The following UTS2B variants were observed in gnomAD, a reference collection of about 807,000 sequenced individuals.
UTS2B encodes urotensin-2B.
In UTS2B, 21 loss-of-function variants were observed where a neutral mutation model predicts 19.2. The observed-to-expected ratio is 1.09, with a 90% CI of 0.78 to 1.58. UTS2B has a LOEUF of 1.58. Ranked by LOEUF, UTS2B falls within the 40% of genes most tolerant of loss-of-function variation. UTS2B has a pLI of 0.00. For missense variants in UTS2B, 138 were observed against 130.3 expected (o/e 1.06, Z -0.29); for synonymous variants, 57 against 50.2 (o/e 1.14, Z -0.58).
At chr3:191,342,759 G>T in the UTS2B span, among the ~76,000 whole-genome samples, 1 of 152,188 alleles carries the variant, frequency 6.6e-6, no homozygotes. Context: ...TTTCTTTAGG[G>T]ATACATGGAA....
At chr3:191,294,384 G>T (rs542155334) in intron 4 of UTS2B, among the ~76,000 whole-genome samples, 3 of 151,924 alleles carry the variant, frequency 2.0e-5, no homozygotes, top group African/African-American at 7.3e-5. Context: ...CAGTGCCTTT[G>T]TAAGAAAAAA....
At chr3:191,342,797 G>A in the UTS2B span, among the ~76,000 whole-genome samples, 1 of 152,162 alleles carries the variant, frequency 6.6e-6, no homozygotes, top group African/African-American at 2.4e-5. Context: ...CTTACTATCT[G>A]GATATGCTTT....
chr3:191,283,075 C>G (rs1417628392), intron 4 of UTS2B, among the ~76,000 whole-genome samples: 1 of 152,174 alleles, frequency 6.6e-6, no homozygotes, highest in Non-Finnish European at 1.5e-5. Context: ...CTAAAATTGA[C>G]TCTGTTCCAG....
At chr3:191,271,465 T>C (rs1716093081) in intron 8 of UTS2B, among the ~76,000 whole-genome samples, 1 of 152,178 alleles carries the variant, frequency 6.6e-6, no homozygotes, top group Non-Finnish European at 1.5e-5. Context: ...AGTGATCAGC[T>C]TTCTGTGCAG....
chr3:191,322,610 G>A (rs188547600), intron 2 of UTS2B, among the ~76,000 whole-genome samples: 154 of 152,282 alleles, frequency 1.0e-3, no homozygotes, highest in Non-Finnish European at 1.6e-3. Context: ...AATAGGAGCA[G>A]AAAACTATAA....
At position 191,277,819 on chromosome 3, in the gene UTS2B, C is replaced by A. The variant is rs866010555; in HGVS notation, c.202+253G>T. ...AGAAGAAAATATGAATAAAGGTAAC[C>A]TTTTTTTTTAACTATATGTTTACCA... On this transcript the variant is annotated intron_variant, in intron 6 of 8. Coordinates refer to ENST00000340524, the MANE Select transcript of UTS2B (RefSeq NM_198152.5). Among the ~76,000 whole-genome samples the A allele has an allele frequency of 6.6e-5, 10 of 151,102 alleles. No individual in the cohort carries two copies. In the South Asian group the frequency reaches 1.5e-3, roughly 22 times the overall value.
intron 5 of UTS2B, among the ~76,000 whole-genome samples, chr3:191,279,032 T>G (rs902514625): frequency 6.6e-6 from 1 of 152,066 alleles, no homozygotes; most frequent in African/African-American, 2.4e-5. Context: ...GTACTGTGGT[T>G]TCAGCTAGAG....
chr3:191,333,932 A>G (rs1013030442), upstream of UTS2B, among the ~76,000 whole-genome samples: 1 of 152,162 alleles, frequency 6.6e-6, no homozygotes, highest in Non-Finnish European at 1.5e-5. Flanking sequence ...TATGTATTAC[A>G]TAGAAAAATT....
At chr3:191,329,586 C>T (rs1279515620) in intron 1 of UTS2B, 7 of 1,400,748 alleles carry the variant, frequency 5.0e-6, no homozygotes, top group East Asian at 2.7e-5. Flanking sequence ...GCGCCGCGTC[C>T]GGCGCTGCTG....
At chr3:191,328,561 G>C (rs1362936609) in intron 2 of UTS2B, 70 bp downstream of exon 2, 1 of 152,394 alleles carries the variant, frequency 6.6e-6, no homozygotes, top group African/African-American at 2.4e-5. Context: ...CATGTCGGTG[G>C]AGGAAGGGGG....
chr3:191,281,195 T>A, intron 5 of UTS2B, among the ~76,000 whole-genome samples: 1 of 152,140 alleles, frequency 6.6e-6, no homozygotes, highest in East Asian at 1.9e-4. Flanking sequence ...TCCCCTTAAG[T>A]AAGCTGAGAG....
rs372340734 is a variant in UTS2B at position 191,308,913 on chromosome 3, C to T, written c.-181-4365G>A. 4.6e-5 allele frequency among the ~76,000 whole-genome samples: 7 copies of T among 152,184 alleles called. No homozygotes were observed. In the East Asian group the frequency reaches 7.7e-4, roughly 17 times the overall value. ...TATGATATTCAACAGAATGTAAAAA[C>T]GATAAATGGTCAAGATAATTGAGGA... On this transcript the variant is annotated intron_variant, in intron 3 of 8. Transcript: ENST00000340524.
intron 2 of UTS2B, among the ~76,000 whole-genome samples, chr3:191,317,017 C>A (rs1040661603): frequency 1.3e-5 from 2 of 152,274 alleles, no homozygotes; most frequent in Admixed American, 1.3e-4. Flanking sequence ...TGCCTGCACT[C>A]CTCATCCCTT....
At chr3:191,301,483 A>ATTTTTTTTTTT (rs750203551) in intron 4 of UTS2B, among the ~76,000 whole-genome samples, 3 of 113,834 alleles carry the variant, frequency 2.6e-5, no homozygotes, top group African/African-American at 6.8e-5. Flanking sequence ...ATTTTTGGTA[A>ATTTTTTTTTTT]TTTTTTTTTT....
At chr3:191,285,277 T>C (rs1716504363) in intron 4 of UTS2B, among the ~76,000 whole-genome samples, 1 of 152,230 alleles carries the variant, frequency 6.6e-6, no homozygotes. Flanking sequence ...TAGGATAGTA[T>C]GTTATAATAA....
the UTS2B span, among the ~76,000 whole-genome samples, chr3:191,337,598 C>T: frequency 1.3e-5 from 2 of 152,024 alleles, no homozygotes; most frequent in Non-Finnish European, 2.9e-5. Flanking sequence ...CCATCTCGGC[C>T]TCCCAAAGTG....
chr3:191,312,404 T>G (rs994582072), intron 3 of UTS2B, among the ~76,000 whole-genome samples: 46 of 152,196 alleles, frequency 3.0e-4, no homozygotes, highest in African/African-American at 1.1e-3. Context: ...GGCTGTTTTC[T>G]TCTGGCAAGT....
chr3:191,268,859 A>G (rs182773943), intron 8 of UTS2B, among the ~76,000 whole-genome samples: 85 of 152,336 alleles, frequency 5.6e-4, no homozygotes, highest in Non-Finnish European at 8.5e-4. Context: ...TCACATAAGT[A>G]AAAAAGCAGT....
In UTS2B at chr3:191,280,370, T is replaced by C. The variant is rs551936862; in HGVS notation, c.103+1717A>G. On this transcript the variant is annotated intron_variant, in intron 5 of 8. Coordinates refer to ENST00000340524, the MANE Select transcript of UTS2B (RefSeq NM_198152.5). Reference sequence around the variant, plus strand: ...AGTGGGGAGGATTGTGCCATTTGTCTTGGAGAGTTCTAACACACAGAAAAA... The same window carrying C: ...AGTGGGGAGGATTGTGCCATTTGTCCTGGAGAGTTCTAACACACAGAAAAA... Among the ~76,000 whole-genome samples the C allele has an allele frequency of 5.9e-5, 9 of 152,226 alleles. No individual in the cohort carries two copies. In the East Asian group the frequency reaches 1.3e-3, roughly 23 times the overall value.
Sources: gnomAD v4.1 joint callset for allele counts (sites outside exome capture counted in the v4.1 genomes callset) on GRCh38, gnomAD v4.1.1 for gene constraint, MANE v1.5 for transcripts, NCBI Gene and HGNC (gene_info 2026-07-23, HGNC 2026-07-21) for gene names.